AMER2: variants seen among roughly 807,000 people sequenced by gnomAD.
AMER2 encodes the protein APC membrane recruitment protein 2.
In AMER2, 1 loss-of-function variant was observed where a neutral mutation model predicts 4.7. That is an observed-to-expected ratio of 0.21 (90% CI 0.07 to 1.00). The LOEUF is 1.00. Ranked by LOEUF, AMER2 falls within the 50% of genes least tolerant of loss-of-function variation. The probability of loss-of-function intolerance (pLI) is 0.60; values close to 1 mark genes in which losing one functional copy is unlikely to be tolerated. For synonymous variants in AMER2, 485 were observed against 433.3 expected (o/e 1.12, Z -1.48); for missense variants, 988 against 966.9 (o/e 1.02, Z -0.29).
Position 25,164,247 on chromosome 13 carries a change from A to G in AMER2, c.*5357T>C, listed in dbSNP as rs1956450483. 1.3e-5 allele frequency: 2 copies of G among 152,196 alleles called. No individual in the cohort carries two copies. Among genetic ancestry groups the G allele is most frequent in the African/African-American group, 4.8e-5 (2 of 41,446 alleles). The allele number at this position is 152,196 out of a possible 1,614,324, so 9.4% of individuals were successfully genotyped here. A position where few individuals can be genotyped will look rare whatever the true frequency, so the allele number is the denominator to read the frequency against. ...AGGAATAAAAACAAATGAAACAAAT[A>G]TGCTTTGAATGAATGATACCCTGTC... is the stretch of plus-strand genomic sequence containing the variant. On this transcript the variant is annotated 3_prime_UTR_variant, in exon 1 of 1. Coordinates refer to ENST00000515384, the MANE Select transcript of AMER2 (RefSeq NM_152704.4).
rs1956439392 is a variant in AMER2, at chr13:25,163,747, G to A, written c.*5857C>T. 6.6e-6 allele frequency: 1 copy of A among 151,814 alleles called. No individual in the cohort carries two copies. The highest frequency in any genetic ancestry group is 2.4e-5 in the African/African-American group (1 of 41,294). The allele number at this position is 151,814 out of a possible 1,614,324, so 9.4% of individuals were successfully genotyped here. ...AGTTTCAGTTACGCAGGATGCATAG[G>A]TGAGAGAGATTTGCTGTACAACACT... On this transcript the variant is annotated 3_prime_UTR_variant, in exon 1 of 1. Transcript: ENST00000515384.
At position 25,162,281 on chromosome 13, in the gene AMER2, A is replaced by G. The variant is rs1310438890; in HGVS notation, c.*7323T>C. The G allele has an allele frequency of 6.6e-6, 1 of 152,134 alleles. No homozygotes were observed. The highest frequency in any genetic ancestry group is 1.5e-5 in the Non-Finnish European group (1 of 68,014). The allele number at this position is 152,134 out of a possible 1,614,324, so 9.4% of individuals were successfully genotyped here. The stretch of plus-strand genomic sequence containing the variant: ...CCTATATTACACTGAGATACTTTAT[A>G]TAAATAACGTGGGCGAAACCTGAAG... On this transcript the variant is annotated 3_prime_UTR_variant, in exon 1 of 1. Coordinates refer to ENST00000515384, the MANE Select transcript of AMER2 (RefSeq NM_152704.4).
In AMER2 at chr13:25,170,040, G is replaced by A. The variant is rs1956534086; in HGVS notation, c.1580C>T (p.Ser527Phe). The A allele has an allele frequency of 1.2e-6, 2 of 1,613,864 alleles. No homozygotes were observed. Among genetic ancestry groups the A allele is most frequent in the Admixed American group, 1.7e-5 (1 of 60,004 alleles). The change falls in exon 1 of 1, where the codon TCC becomes TTC. Residue 527 changes from serine (S) to phenylalanine (F), a missense_variant. Physicochemically the swap from Ser to Phe is radical, Grantham distance 155 (BLOSUM62 -2). Coordinates refer to ENST00000515384, the MANE Select transcript of AMER2 (RefSeq NM_152704.4). This position sits in a 1 kb window ranked among gnomAD's most constrained non-coding sequence, Gnocchi z 7.3. ...VPNSDEGYWDSTTPGPEEDSS... is the reference protein window; with the variant it reads ...VPNSDEGYWDFTTPGPEEDSS... ...GTCTTCCTCTGGGCCTGGCGTGGTG[G>A]AGTCCCAGTAGCCCTCGTCGCTGTT... is the stretch of plus-strand genomic sequence containing the variant.
In AMER2 at chr13:25,170,445, G is replaced by A. The variant is rs1956543844; in HGVS notation, c.1175C>T (p.Ala392Val). Reference protein sequence around the residue: ...GDIIADQEEEAGPSCDKHVPG... With the variant: ...GDIIADQEEEVGPSCDKHVPG... ...GACATGCTTGTCACAGCTGGGACCT[G>A]CCTCTTCCTCTTGGTCTGCAATAAT... Residue 392 changes from alanine to valine, a missense_variant, in exon 1 of 1, where the codon GCA becomes GTA. Transcript: ENST00000515384. The surrounding 1 kb of genome is among the most constrained non-coding windows in gnomAD (Gnocchi z 7.3). 3 of 1,614,100 alleles carry A rather than the reference G, an allele frequency of 1.9e-6. No homozygotes were observed. Among genetic ancestry groups the A allele is most frequent in the Non-Finnish European group, 1.7e-6 (2 of 1,180,048 alleles).
In AMER2 at chr13:25,170,144, C is replaced by A. The variant is rs745917318; in HGVS notation, c.1476G>T (p.Arg492Ser). ...GGGGCTCGATGGGAATCCGGTTGAG[C>A]CTCCTGCGCTTGACCGAGGACGCGT... ...AKDASSVKRRRLNRIPIEPHP... is the reference protein window; with the variant it reads ...AKDASSVKRRSLNRIPIEPHP... The change falls in exon 1 of 1, where the codon AGG (arginine) becomes AGT (serine). Residue 492 changes from arginine to serine, a missense_variant. By Grantham distance (110) the Arg-to-Ser change is moderately radical. Coordinates refer to ENST00000515384, the MANE Select transcript of AMER2 (RefSeq NM_152704.4). This position sits in a 1 kb window ranked among gnomAD's most constrained non-coding sequence, Gnocchi z 7.3. The A allele has an allele frequency of 1.2e-6, 2 of 1,614,016 alleles. No individual in the cohort carries two copies. Among genetic ancestry groups the A allele is most frequent in the East Asian group, 2.2e-5 (1 of 44,848 alleles).
In AMER2 at chr13:25,169,839, C is replaced by T; in HGVS notation, c.1781G>A (p.Cys594Tyr). 6.2e-7 allele frequency: 1 copy of T among 1,614,038 alleles called. No homozygotes were observed. ...LKPVSPGTITCPLRTPGSLLK... is the reference protein window; with the variant it reads ...LKPVSPGTITYPLRTPGSLLK... The stretch of plus-strand genomic sequence containing the variant: ...CAAGCTGCCTGGTGTTCGCAGTGGA[C>T]AGGTGATGGTGCCTGGAGATACGGG... The change falls in exon 1 of 1, where the codon TGT (cysteine) becomes TAT (tyrosine). Residue 594 changes from cysteine (C) to tyrosine (Y), a missense_variant. By Grantham distance (194) the Cys-to-Tyr change is radical. Coordinates refer to ENST00000515384, the MANE Select transcript of AMER2 (RefSeq NM_152704.4). This position sits in a 1 kb window ranked among gnomAD's most constrained non-coding sequence, Gnocchi z 4.2.
chr13:25,171,105 C>A lies in AMER2; in HGVS notation c.515G>T (p.Arg172Leu), dbSNP rs1956565993. ...AGGCTCTCCCTTGCCGTTTTCCGAG[C>A]GCCCGTTCTTCTTCAGCAGCGAGAA... The part of the protein sequence containing the change: ...SFFSLLKKNG[R>L]SENGKGEPVD... The change falls in exon 1 of 1, where the codon CGC becomes CTC. Residue 172 changes from arginine to leucine, a missense_variant. Physicochemically the swap from Arg to Leu is moderately radical, Grantham distance 102. Transcript: ENST00000515384. This position sits in a 1 kb window ranked among gnomAD's most constrained non-coding sequence, Gnocchi z 5.9. The A allele has an allele frequency of 1.3e-6, 2 of 1,564,002 alleles. No individual in the cohort carries two copies. Among genetic ancestry groups the A allele is most frequent in the Admixed American group, 1.8e-5 (1 of 54,218 alleles).
In AMER2 at chr13:25,164,000, G is replaced by A. The variant is rs915844527; in HGVS notation, c.*5604C>T. The A allele has an allele frequency of 6.6e-5, 10 of 151,350 alleles. No homozygotes were observed. Among genetic ancestry groups the A allele is most frequent in the African/African-American group, 2.4e-4 (10 of 41,054 alleles). 9.4% of individuals were successfully genotyped at this position (151,350 alleles called of 1,614,324 possible). On this transcript the variant is annotated 3_prime_UTR_variant, in exon 1 of 1. Transcript: ENST00000515384. ...CACGCCTGTAGTCTCAGCTACTTGGGAGGCTGAGGCAGGAGAATCACTTGA... is the reference window on the plus strand; with the variant it reads ...CACGCCTGTAGTCTCAGCTACTTGGAAGGCTGAGGCAGGAGAATCACTTGA...
chr13:25,164,851 C>T lies in AMER2; in HGVS notation c.*4753G>A, dbSNP rs1200120546. 6.6e-6 allele frequency: 1 copy of T among 152,134 alleles called. No homozygotes were observed. Among genetic ancestry groups the T allele is most frequent in the East Asian group, 1.9e-4 (1 of 5,196 alleles). The allele number at this position is 152,134 out of a possible 1,614,324, so 9.4% of individuals were successfully genotyped here. The stretch of plus-strand genomic sequence containing the variant: ...ACACCACTTTGCTTCACCCCACAAA[C>T]TATAAGCAACAAATGCAAATACCAA... On this transcript the variant is annotated 3_prime_UTR_variant, in exon 1 of 1. Transcript: ENST00000515384.
chr13:25,171,084 T>C lies in AMER2; in HGVS notation c.536A>G (p.Glu179Gly). Reference sequence around the variant, plus strand: ...GCCGGCCTTGCTCGCGTCCACAGGCTCTCCCTTGCCGTTTTCCGAGCGCCC... The same window carrying C: ...GCCGGCCTTGCTCGCGTCCACAGGCCCTCCCTTGCCGTTTTCCGAGCGCCC... ...KNGRSENGKG[E>G]PVDASKAGGK... Residue 179 changes from glutamate to glycine, a missense_variant, in exon 1 of 1, where the codon GAG (glutamate) becomes GGG (glycine). Glu to Gly is a moderately conservative substitution (Grantham distance 98). Transcript: ENST00000515384. The surrounding 1 kb of genome is among the most constrained non-coding windows in gnomAD (Gnocchi z 5.9). 3 of 1,572,394 alleles carry C rather than the reference T, an allele frequency of 1.9e-6. No individual in the cohort carries two copies. The highest frequency in any genetic ancestry group is 1.1e-5 in the South Asian group (1 of 87,200).
In AMER2 at chr13:25,162,635, A is replaced by C. The variant is rs1178669539; in HGVS notation, c.*6969T>G. 6.6e-6 allele frequency: 1 copy of C among 152,210 alleles called. No homozygotes were observed. Among genetic ancestry groups the C allele is most frequent in the Admixed American group, 6.5e-5 (1 of 15,288 alleles). The allele number at this position is 152,210 out of a possible 1,614,324, so 9.4% of individuals were successfully genotyped here. A position where few individuals can be genotyped will look rare whatever the true frequency, so the allele number is the denominator to read the frequency against. ...TTCTGCATGTCTACTCCATGCCCCT[A>C]TGTTATTGAACCAGATATTTTTAGT... On this transcript the variant is annotated 3_prime_UTR_variant, in exon 1 of 1. Coordinates refer to ENST00000515384, the MANE Select transcript of AMER2 (RefSeq NM_152704.4).
chr13:25,170,175 G>A lies in AMER2; in HGVS notation c.1445C>T (p.Ala482Val). Residue 482 changes from alanine to valine, a missense_variant, in exon 1 of 1, where the codon GCC (alanine) becomes GTC (valine). Physicochemically the swap from Ala to Val is moderately conservative, Grantham distance 64. Coordinates refer to ENST00000515384, the MANE Select transcript of AMER2 (RefSeq NM_152704.4). This position sits in a 1 kb window ranked among gnomAD's most constrained non-coding sequence, Gnocchi z 7.3. ...GCGCTTGACCGAGGACGCGTCCTTG[G>A]CCGCTTCCACACACCTGGTGTCTTT... ...TPKDTRCVEAAKDASSVKRRR... is the reference protein window; with the variant it reads ...TPKDTRCVEAVKDASSVKRRR... 1 of 1,613,644 alleles carries A rather than the reference G, an allele frequency of 6.2e-7. No homozygotes were observed.
chr13:25,169,822 C>T lies in AMER2; in HGVS notation c.1798G>A (p.Gly600Ser). 1 of 1,614,064 alleles carries T rather than the reference C, an allele frequency of 6.2e-7. No individual in the cohort carries two copies. The highest frequency in any genetic ancestry group is 1.1e-5 in the South Asian group (1 of 91,068). The change falls in exon 1 of 1, where the codon GGC becomes AGC. Residue 600 changes from glycine to serine, a missense_variant. Transcript: ENST00000515384. The surrounding 1 kb of genome is among the most constrained non-coding windows in gnomAD (Gnocchi z 4.2). Reference sequence around the variant, plus strand: ...ATCTTAGAGTCCTTCAGCAAGCTGCCTGGTGTTCGCAGTGGACAGGTGATG... The same window carrying T: ...ATCTTAGAGTCCTTCAGCAAGCTGCTTGGTGTTCGCAGTGGACAGGTGATG... Reference protein sequence around the residue: ...GTITCPLRTPGSLLKDSKIPI... With the variant: ...GTITCPLRTPSSLLKDSKIPI...
At position 25,167,136 on chromosome 13, in the gene AMER2, T is replaced by C. The variant is rs983700947; in HGVS notation, c.*2468A>G. 2 of 152,190 alleles carry C rather than the reference T, an allele frequency of 1.3e-5. No individual in the cohort carries two copies. The highest frequency in any genetic ancestry group is 4.8e-5 in the African/African-American group (2 of 41,456). 9.4% of individuals were successfully genotyped at this position (152,190 alleles called of 1,614,324 possible). ...AATGGAGGATTAAGTCCTAAAATTA[T>C]GAAAGCAAAAACTTTTCTTCTACTG... On this transcript the variant is annotated 3_prime_UTR_variant, in exon 1 of 1. Coordinates refer to ENST00000515384, the MANE Select transcript of AMER2 (RefSeq NM_152704.4).
chr13:25,165,508 G>A lies in AMER2; in HGVS notation c.*4096C>T, dbSNP rs1432347537. ...TAATGAATTGAAATTTTCTAAGGCT[G>A]AGTTTACACAAATTACAACTGTTCT... On this transcript the variant is annotated 3_prime_UTR_variant, in exon 1 of 1. Transcript: ENST00000515384. 2 of 152,198 alleles carry A rather than the reference G, an allele frequency of 1.3e-5. No individual in the cohort carries two copies. Among genetic ancestry groups the A allele is most frequent in the Admixed American group, 6.5e-5 (1 of 15,280 alleles). The allele number at this position is 152,198 out of a possible 1,614,324, so 9.4% of individuals were successfully genotyped here.
In AMER2 at chr13:25,167,722, C is replaced by T. The variant is rs1956496560; in HGVS notation, c.*1882G>A. The T allele has an allele frequency of 1.3e-5, 2 of 152,186 alleles. No individual in the cohort carries two copies. Among genetic ancestry groups the T allele is most frequent in the Admixed American group, 6.5e-5 (1 of 15,284 alleles). The allele number at this position is 152,186 out of a possible 1,614,324, so 9.4% of individuals were successfully genotyped here. A position where few individuals can be genotyped will look rare whatever the true frequency, so the allele number is the denominator to read the frequency against. Reference sequence around the variant, plus strand: ...ACTAATGAAGAAATTCAGCAAACCTCTCCTAATTGAATCACTGCAAATTTA... The same window carrying T: ...ACTAATGAAGAAATTCAGCAAACCTTTCCTAATTGAATCACTGCAAATTTA... On this transcript the variant is annotated 3_prime_UTR_variant, in exon 1 of 1. Coordinates refer to ENST00000515384, the MANE Select transcript of AMER2 (RefSeq NM_152704.4).
In AMER2 at chr13:25,171,246, C is replaced by T; in HGVS notation, c.374G>A (p.Gly125Asp). 1.4e-6 allele frequency: 2 copies of T among 1,420,002 alleles called. No homozygotes were observed. Among genetic ancestry groups the T allele is most frequent in the African/African-American group, 1.5e-5 (1 of 66,764 alleles). The allele number at this position is 1,420,002 out of a possible 1,614,324, so 88.0% of individuals were successfully genotyped here. A position where few individuals can be genotyped will look rare whatever the true frequency, so the allele number is the denominator to read the frequency against. The change falls in exon 1 of 1, where the codon GGC becomes GAC. Residue 125 changes from glycine to aspartate, a missense_variant. Coordinates refer to ENST00000515384, the MANE Select transcript of AMER2 (RefSeq NM_152704.4). This position sits in a 1 kb window ranked among gnomAD's most constrained non-coding sequence, Gnocchi z 5.9. Reference sequence around the variant, plus strand: ...GCCGCCCCCGCCGCTGTCGCCCCCGCCGCGCGGCTCCTCCTTCCTGCCGCT... The same window carrying T: ...GCCGCCCCCGCCGCTGTCGCCCCCGTCGCGCGGCTCCTCCTTCCTGCCGCT... ...LESGRKEEPR[G>D]GGDSGGGGGG...
In AMER2 at chr13:25,170,619, T is replaced by C. The variant is rs1956546594; in HGVS notation, c.1001A>G (p.Asp334Gly). Residue 334 changes from aspartate (D) to glycine (G), a missense_variant, in exon 1 of 1, where the codon GAC becomes GGC. Physicochemically the swap from Asp to Gly is moderately conservative, Grantham distance 94 (BLOSUM62 -1). Transcript: ENST00000515384. This position sits in a 1 kb window ranked among gnomAD's most constrained non-coding sequence, Gnocchi z 7.3. ...CGCCCGGCCGCTGCCGCCTTCGGAG[T>C]CGACAAGGGGGACCGTCTTTACGGG... ...AVPVKTVPLVDSEGGSGRAPA... is the reference protein window; with the variant it reads ...AVPVKTVPLVGSEGGSGRAPA... 1 of 1,568,456 alleles carries C rather than the reference T, an allele frequency of 6.4e-7. No homozygotes were observed. The highest frequency in any genetic ancestry group is 1.4e-5 in the African/African-American group (1 of 73,644).
rs1215882220 is a variant in AMER2 at position 25,168,533 on chromosome 13, T to A, written c.*1071A>T. On this transcript the variant is annotated 3_prime_UTR_variant, in exon 1 of 1. Transcript: ENST00000515384. The stretch of plus-strand genomic sequence containing the variant: ...ACCAGCACAATAGATTTTTTTTTTT[T>A]TTGAGAACCAGAGAACCCATATAAA... 6.6e-6 allele frequency: 1 copy of A among 152,050 alleles called. No individual in the cohort carries two copies. The highest frequency in any genetic ancestry group is 1.5e-5 in the Non-Finnish European group (1 of 68,010). 9.4% of individuals were successfully genotyped at this position (152,050 alleles called of 1,614,324 possible). A position where few individuals can be genotyped will look rare whatever the true frequency, so the allele number is the denominator to read the frequency against.
Sources: gnomAD v4.1 joint callset for allele counts on GRCh38, gnomAD v4.1.1 for gene constraint, Gnocchi (gnomAD v3.1) non-coding constraint, MANE v1.5 for transcripts, NCBI Gene and HGNC (gene_info 2026-07-23, HGNC 2026-07-21) for gene names.